The following BRCA2 variants were observed in gnomAD, a reference collection of about 807,000 sequenced individuals.
BRCA2 encodes breast cancer type 2 susceptibility protein.
In BRCA2, 203 loss-of-function variants were observed where a neutral mutation model predicts 276.7. The ratio of observed to expected loss-of-function variants is 0.73; its 90% CI spans 0.65 to 0.82. The LOEUF (loss-of-function observed/expected upper bound fraction) is 0.82, where lower values mean the gene tolerates loss of function less well. BRCA2 is among the 40% of genes least tolerant of loss of function. The probability of loss-of-function intolerance (pLI) is 0.00; values close to 1 mark genes in which losing one functional copy is unlikely to be tolerated. For synonymous variants in BRCA2, 1,289 were observed against 1,338.4 expected, an observed-to-expected ratio of 0.96 and a Z score of 0.81; for missense variants, 3,920 against 3,915.0, an observed-to-expected ratio of 1.00 and a Z score of -0.03.
chr13:32,384,757 C>T lies in BRCA2; in HGVS notation c.9256+4612C>T, dbSNP rs1317782275. The T allele has an allele frequency of 2.7e-5, 7 of 257,874 alleles. No individual in the cohort carries two copies. In the South Asian group the frequency reaches 3.0e-4, roughly 11 times the overall value. The allele number at this position is 257,874 out of a possible 1,614,324, so 16.0% of individuals were successfully genotyped here. A position where few individuals can be genotyped will look rare whatever the true frequency, so the allele number is the denominator to read the frequency against. ...GTATCAATTAAAGATGATGAAATGC[C>T]TGATTTGGAAAACAGAGTCTTGGAC... On this transcript the variant is annotated intron_variant, in intron 24 of 26. Coordinates refer to ENST00000380152, the MANE Select transcript of BRCA2 (RefSeq NM_000059.4).
At chr13:32,377,041 C>A (rs909933052) in intron 21 of BRCA2, among the ~76,000 whole-genome samples, 1 of 152,088 alleles carries the variant, frequency 6.6e-6, no homozygotes, top group Non-Finnish European at 1.5e-5. Context: ...AAAATGCAGG[C>A]AAAACTTGTT....
At position 32,337,452 on chromosome 13, in the gene BRCA2, G is replaced by T. The variant is rs780279081; in HGVS notation, c.3097G>T (p.Asp1033Tyr). Residue 1033 changes from aspartate (D) to tyrosine (Y), a missense_variant, in exon 11 of 27, where the codon GAT becomes TAT. Transcript: ENST00000380152. ...NIKKSKMFFK[D>Y]IEEQYPTSLA... ...TAAGAAGAGCAAAATGTTCTTCAAA[G>T]ATATTGAAGAACAATATCCTACTAG... 1 of 1,612,204 alleles carries T rather than the reference G, an allele frequency of 6.2e-7. No individual in the cohort carries two copies. The highest frequency in any genetic ancestry group is 2.2e-5 in the East Asian group (1 of 44,820).
At chr13:32,363,941 T>C (rs1445292868) in intron 18 of BRCA2, among the ~76,000 whole-genome samples, 1 of 152,204 alleles carries the variant, frequency 6.6e-6, no homozygotes, top group East Asian at 1.9e-4. Context: ...AACAGGACTC[T>C]TTGTCATATT....
Position 32,325,081 on chromosome 13 carries a change from A to C in BRCA2, c.322A>C (p.Asn108His), listed in dbSNP as rs80358567. Residue 108 changes from asparagine to histidine, a missense_variant, in exon 4 of 27, where the codon AAT becomes CAT. Coordinates refer to ENST00000380152, the MANE Select transcript of BRCA2 (RefSeq NM_000059.4). ...GAATTATTGTACTGTTTCAGGAAGG[A>C]ATGTTCCCAATAGTAGACATAAAAG... The part of the protein sequence containing the change: ...LDKFKLDLGR[N>H]VPNSRHKSLR... 81 of 1,574,284 alleles carry C rather than the reference A, an allele frequency of 5.1e-5. No homozygotes were observed. The African/African-American group carries it at 1.0e-3, about 20-fold the overall frequency.
chr13:32,389,040 T>A (rs1300674476), intron 24 of BRCA2, among the ~76,000 whole-genome samples: 1 of 152,202 alleles, frequency 6.6e-6, no homozygotes, highest in Non-Finnish European at 1.5e-5. Flanking sequence ...CCATCTTGAT[T>A]TATTTTTAGT....
rs2137669046 is a variant in BRCA2 at position 32,398,918 on chromosome 13, G to A, written c.*148G>A. ...ATTTACCTCAGCGTTTGTGTATCGG[G>A]CAAAAATCGTTTTGCCCGATTCCGT... On this transcript the variant is annotated 3_prime_UTR_variant, in exon 27 of 27. Coordinates refer to ENST00000380152, the MANE Select transcript of BRCA2 (RefSeq NM_000059.4). The A allele has an allele frequency of 9.3e-7, 1 of 1,077,000 alleles. No homozygotes were observed. Among genetic ancestry groups the A allele is most frequent in the South Asian group, 1.8e-5 (1 of 55,802 alleles). 66.7% of individuals were successfully genotyped at this position (1,077,000 alleles called of 1,614,324 possible). A position where few individuals can be genotyped will look rare whatever the true frequency, so the allele number is the denominator to read the frequency against.
Position 32,381,266 on chromosome 13 carries a change from C to T in BRCA2, c.9256+1121C>T, listed in dbSNP as rs575817140. Among the ~76,000 whole-genome samples the T allele has an allele frequency of 2.0e-5, 3 of 152,204 alleles. No individual in the cohort carries two copies. The East Asian group carries it at 5.8e-4, about 29-fold the overall frequency. On this transcript the variant is annotated intron_variant, in intron 24 of 26. Transcript: ENST00000380152. ...AACAAAACAGATAAGAATCCCTACCCTCATAGAGCTTACATTATGAGGTTG... is the reference window on the plus strand; with the variant it reads ...AACAAAACAGATAAGAATCCCTACCTTCATAGAGCTTACATTATGAGGTTG...
intron 18 of BRCA2, among the ~76,000 whole-genome samples, chr13:32,366,752 G>A (rs1232909109): frequency 3.3e-5 from 5 of 151,092 alleles, no homozygotes; most frequent in African/African-American, 9.8e-5. Flanking sequence ...AACCTGGGAC[G>A]TAGAGGTTGC....
At chr13:32,326,199 A>T (rs769389363) in intron 5 of BRCA2, 43 bp from the exon 6 acceptor site, 2 of 1,609,962 alleles carry the variant, frequency 1.2e-6, no homozygotes, top group African/African-American at 2.7e-5. Context: ...AGAAATGTTA[A>T]TAAAAATAAA....
intron 16 of BRCA2, among the ~76,000 whole-genome samples, chr13:32,361,323 A>G (rs995356951): frequency 2.0e-5 from 3 of 152,206 alleles, no homozygotes; most frequent in Non-Finnish European, 4.4e-5. Flanking sequence ...ACTGCAGAAG[A>G]CATTACTAAT....
chr13:32,317,357 T>C (rs574876495), intron 2 of BRCA2, among the ~76,000 whole-genome samples: 18 of 152,368 alleles, frequency 1.2e-4, no homozygotes, highest in Admixed American at 4.6e-4. Flanking sequence ...TTCTCTTTAA[T>C]GTCTGGCTAA....
At chr13:32,346,694 T>G in intron 12 of BRCA2, 133 bp from the exon 13 acceptor site, 1 of 634,138 alleles carries the variant, frequency 1.6e-6, no homozygotes. Flanking sequence ...ATAGTTAACA[T>G]TTATTGAGCA....
At chr13:32,371,885 AC>A (rs994757883) in intron 20 of BRCA2, among the ~76,000 whole-genome samples, 4 of 152,244 alleles carry the variant, frequency 2.6e-5, no homozygotes, top group Non-Finnish European at 4.4e-5. Context: ...TCTAAAAAAA[AC>A]AATGCACATA....
In BRCA2 at chr13:32,316,447, T is replaced by C. The variant is rs276174796; in HGVS notation, c.-14T>C. ...ACTTATTTACCAAGCATTGGAGGAATATCGTAGGTAAAAATGCCTATTGGA... is the reference window on the plus strand; with the variant it reads ...ACTTATTTACCAAGCATTGGAGGAACATCGTAGGTAAAAATGCCTATTGGA... On this transcript the variant is annotated 5_prime_UTR_variant, in exon 2 of 27. Coordinates refer to ENST00000380152, the MANE Select transcript of BRCA2 (RefSeq NM_000059.4). 2 of 1,610,354 alleles carry C rather than the reference T, an allele frequency of 1.2e-6. No homozygotes were observed. The highest frequency in any genetic ancestry group is 2.2e-5 in the East Asian group (1 of 44,866).
At chr13:32,360,624 C>T (rs374532673) in intron 16 of BRCA2, among the ~76,000 whole-genome samples, 6 of 152,308 alleles carry the variant, frequency 3.9e-5, no homozygotes, top group African/African-American at 1.4e-4. Flanking sequence ...TCCCAAAGTG[C>T]TGGAATTACA....
At chr13:32,315,507 C>G (rs1026273725), upstream of BRCA2, 1 of 152,312 alleles carries the variant, frequency 6.6e-6, no homozygotes, top group Non-Finnish European at 1.5e-5. Flanking sequence ...AACTAGGCGG[C>G]AGAGGCGGAG....
In BRCA2 at chr13:32,394,803, A is replaced by T. The variant is rs28897759; in HGVS notation, c.9371A>T (p.Asn3124Ile). ...IKPHMLIAAS[N>I]LQWRPESKSG... ...CCTCATATGTTAATTGCTGCAAGCA[A>T]CCTCCAGTGGCGACCAGAATCCAAA... is the stretch of plus-strand genomic sequence containing the variant. The change falls in exon 25 of 27, where the codon AAC (asparagine) becomes ATC (isoleucine). Residue 3124 changes from asparagine to isoleucine, a missense_variant. By Grantham distance (149) the Asn-to-Ile change is moderately radical. Around this residue, in one of 2 missense-constraint regions of BRCA2, gnomAD observed 657 missense variants for 758.2 expected, o/e 0.87. Coordinates refer to ENST00000380152, the MANE Select transcript of BRCA2 (RefSeq NM_000059.4). 1.9e-6 allele frequency: 3 copies of T among 1,613,530 alleles called. No homozygotes were observed. Among genetic ancestry groups the T allele is most frequent in the Non-Finnish European group, 2.5e-6 (3 of 1,179,886 alleles).
chr13:32,336,674 T>G lies in BRCA2; in HGVS notation c.2319T>G (p.Pro773=), dbSNP rs1426362566. 1.9e-6 allele frequency: 3 copies of G among 1,613,926 alleles called. No homozygotes were observed. The South Asian group carries it at 3.3e-5, about 18-fold the overall frequency. ...ATGCCAGCACTCTTATTTTAACTCC[T>G]ACTTCCAAGGATGTTCTGTCAAACC... ...HENASTLILT[P]TSKDVLSNLV... Residue 773 remains proline, a synonymous_variant, in exon 11 of 27, where the codon CCT becomes CCG. Transcript: ENST00000380152.
intron 7 of BRCA2, among the ~76,000 whole-genome samples, chr13:32,327,246 G>A (rs369234845): frequency 1.1e-4 from 16 of 152,302 alleles, no homozygotes; most frequent in African/African-American, 3.8e-4. Context: ...CCAGGAGTTT[G>A]AGAGCAGCCT....
Sources: gnomAD v4.1 joint callset for allele counts (sites outside exome capture counted in the v4.1 genomes callset) on GRCh38, gnomAD v4.1.1 for gene constraint, gnomAD v4.1.1 regional missense constraint, MANE v1.5 for transcripts, NCBI Gene and HGNC (gene_info 2026-07-23, HGNC 2026-07-21) for gene names.